ITGBL1: variants seen among roughly 807,000 people sequenced by gnomAD.
ITGBL1 encodes the protein integrin subunit beta like 1.
ITGBL1 carries 51 observed loss-of-function variants against 68.5 expected under a neutral mutation model. That is an observed-to-expected ratio of 0.74 (90% CI 0.59 to 0.94). ITGBL1 has a LOEUF of 0.94. Among genes scored for constraint, ITGBL1 ranks in the 40% least tolerant of loss-of-function variants. ITGBL1 has a pLI of 0.00. For missense variants in ITGBL1, 649 were observed against 647.4 expected, an observed-to-expected ratio of 1.00 and a Z score of -0.03; for synonymous variants, 209 against 227.3, an observed-to-expected ratio of 0.92 and a Z score of 0.72.
intron 7 of ITGBL1, among the ~76,000 whole-genome samples, chr13:101,653,419 A>C (rs1181630678): frequency 6.6e-6 from 1 of 152,230 alleles, no homozygotes; most frequent in African/African-American, 2.4e-5. Context: ...TTCTGGGATC[A>C]TGAAGAGTTC....
intron 7 of ITGBL1, among the ~76,000 whole-genome samples, chr13:101,692,281 T>G (rs1177254461): frequency 1.3e-5 from 2 of 152,170 alleles, no homozygotes; most frequent in Admixed American, 1.3e-4. Context: ...AAGTTGTATA[T>G]GAAATAGCCA....
chr13:101,685,153 C>T (rs1040555115), intron 7 of ITGBL1, among the ~76,000 whole-genome samples: 2 of 151,898 alleles, frequency 1.3e-5, no homozygotes, highest in African/African-American at 2.4e-5. Context: ...TTGATTGGTA[C>T]AATATTGATT....
chr13:101,478,320 A>G (rs1390033538), intron 2 of ITGBL1, among the ~76,000 whole-genome samples: 1 of 152,100 alleles, frequency 6.6e-6, no homozygotes, highest in Non-Finnish European at 1.5e-5. Context: ...CTGGGTATAG[A>G]AGGAACAAAC....
At chr13:101,523,257 C>G (rs2049316117) in intron 2 of ITGBL1, among the ~76,000 whole-genome samples, 1 of 152,100 alleles carries the variant, frequency 6.6e-6, no homozygotes, top group Admixed American at 6.6e-5. Context: ...CCCAAATTAC[C>G]TGTTCATAAG....
At chr13:101,657,045 C>T (rs1420250010) in intron 7 of ITGBL1, among the ~76,000 whole-genome samples, 5 of 151,120 alleles carry the variant, frequency 3.3e-5, no homozygotes, top group East Asian at 2.0e-4. Flanking sequence ...CATGCTGGTG[C>T]GCTGCACCCA....
chr13:101,547,146 TA>T (rs1384837298), intron 2 of ITGBL1, among the ~76,000 whole-genome samples: 1 of 73,704 alleles, frequency 1.4e-5, no homozygotes, highest in Non-Finnish European at 2.8e-5. Context: ...ATAACCTATT[TA>T]TATTGTTTAT....
chr13:101,468,817 G>A (rs907472849), intron 2 of ITGBL1, among the ~76,000 whole-genome samples: 3 of 152,180 alleles, frequency 2.0e-5, no homozygotes, highest in South Asian at 2.1e-4. Flanking sequence ...ATTACTTGTC[G>A]TACTGATAAT....
intron 8 of ITGBL1, among the ~76,000 whole-genome samples, chr13:101,700,659 A>C (rs1380342245): frequency 6.6e-6 from 1 of 152,130 alleles, no homozygotes; most frequent in Non-Finnish European, 1.5e-5. Flanking sequence ...CTATGTTCTC[A>C]TTTCTGAGAA....
At chr13:101,551,682 T>G (rs1262615947) in intron 2 of ITGBL1, among the ~76,000 whole-genome samples, 1 of 152,174 alleles carries the variant, frequency 6.6e-6, no homozygotes, top group Non-Finnish European at 1.5e-5. Context: ...ATGTTTTCTG[T>G]TTTTCATGCC....
intron 6 of ITGBL1, among the ~76,000 whole-genome samples, chr13:101,587,566 C>A (rs1456335367): frequency 1.3e-5 from 2 of 152,176 alleles, no homozygotes; most frequent in East Asian, 3.9e-4. Flanking sequence ...CCACTCAGGT[C>A]TATTTACCCA....
chr13:101,675,656 G>T (rs1566786377), intron 7 of ITGBL1, among the ~76,000 whole-genome samples: 1 of 152,072 alleles, frequency 6.6e-6, no homozygotes, highest in Non-Finnish European at 1.5e-5. Flanking sequence ...ATACTCTGAG[G>T]TACTGGTAAT....
At chr13:101,589,546 A>T (rs1015553962) in intron 6 of ITGBL1, among the ~76,000 whole-genome samples, 2 of 152,202 alleles carry the variant, frequency 1.3e-5, no homozygotes, top group African/African-American at 2.4e-5. Flanking sequence ...CATAGAAGAC[A>T]TATCAGTGGA....
At chr13:101,657,219 A>G (rs2032954311) in intron 7 of ITGBL1, among the ~76,000 whole-genome samples, 1 of 152,226 alleles carries the variant, frequency 6.6e-6, no homozygotes, top group Non-Finnish European at 1.5e-5. Flanking sequence ...ATGAACTTTT[A>G]TTATGCTTAG....
chr13:101,685,682 A>T (rs1037775952), intron 7 of ITGBL1, among the ~76,000 whole-genome samples: 9 of 152,026 alleles, frequency 5.9e-5, no homozygotes, highest in African/African-American at 9.7e-5. Context: ...TTCTCAGGGG[A>T]TGACTCTAGG....
At chr13:101,559,090 C>T (rs1188382016) in intron 2 of ITGBL1, among the ~76,000 whole-genome samples, 1 of 152,142 alleles carries the variant, frequency 6.6e-6, no homozygotes, top group African/African-American at 2.4e-5. Context: ...TTAATGCAAA[C>T]ACACCTTAAC....
chr13:101,702,771 T>C (rs1337290443), intron 8 of ITGBL1, among the ~76,000 whole-genome samples: 7 of 152,222 alleles, frequency 4.6e-5, no homozygotes, highest in African/African-American at 9.6e-5. Context: ...TTTTGGTTTC[T>C]TGTACAACAG....
rs4000927 is a variant in ITGBL1, at chr13:101,606,174, T to TTATATATA, written c.1015+7886_1015+7893dup. The stretch of plus-strand genomic sequence containing the variant: ...ACTTCAGTATATTCTATTAGGATTT[T>TTATATATA]TATATATATATATATATAGCCTTAT... On this transcript the variant is annotated intron_variant, in intron 7 of 10. Transcript: ENST00000376180. Among the ~76,000 whole-genome samples, 56 of 138,046 alleles carry TTATATATA rather than the reference T, an allele frequency of 4.1e-4. No individual in the cohort carries two copies. In the South Asian group the frequency reaches 4.3e-3, roughly 11 times the overall value. The allele number at this position is 138,046 out of a possible 152,430, so 90.6% of individuals were successfully genotyped here. A position where few individuals can be genotyped will look rare whatever the true frequency, so the allele number is the denominator to read the frequency against.
At chr13:101,584,023 A>G (rs2050509262) in intron 6 of ITGBL1, among the ~76,000 whole-genome samples, 1 of 152,258 alleles carries the variant, frequency 6.6e-6, no homozygotes, top group Non-Finnish European at 1.5e-5. Context: ...ACAAAACAGG[A>G]TAATACAGTG....
At chr13:101,567,940 G>T in intron 3 of ITGBL1, 95 bp downstream of exon 3, 2 of 944,964 alleles carry the variant, frequency 2.1e-6, no homozygotes, top group Non-Finnish European at 3.2e-6. Flanking sequence ...GAATCTCAGA[G>T]TGAGTCTGCT....
Sources: gnomAD v4.1 joint callset for allele counts (sites outside exome capture counted in the v4.1 genomes callset) on GRCh38, gnomAD v4.1.1 for gene constraint, MANE v1.5 for transcripts, NCBI Gene and HGNC (gene_info 2026-07-23, HGNC 2026-07-21) for gene names.